Variants in BTBD7 observed in about 807,000 individuals in gnomAD.
BTBD7 encodes BTB/POZ domain-containing protein 7.
In BTBD7, 38 loss-of-function variants were observed where a neutral mutation model predicts 99.9. That is an observed-to-expected ratio of 0.38 (90% CI 0.29 to 0.50). The LOEUF is 0.50. Among genes scored for constraint, BTBD7 ranks in the 20% least tolerant of loss-of-function variants. The pLI, the probability that BTBD7 is intolerant of heterozygous loss-of-function variation, is 0.93. For missense variants in BTBD7, 1,170 were observed against 1,394.6 expected (o/e 0.84, Z 2.57); for synonymous variants, 520 against 511.4 (o/e 1.02, Z -0.23).
At chr14:93,301,282 C>A (rs949805431) in intron 1 of BTBD7, among the ~76,000 whole-genome samples, 6 of 151,950 alleles carry the variant, frequency 3.9e-5, no homozygotes, top group South Asian at 2.1e-4. Context: ...ACCTCCACCT[C>A]CTGGGTTCAA....
chr14:93,289,851 CTTTTTTTTTTTTT>C (rs34820136), intron 3 of BTBD7, among the ~76,000 whole-genome samples: 1 of 98,458 alleles, frequency 1.0e-5, no homozygotes, highest in Admixed American at 1.2e-4. Flanking sequence ...ACTCTCTGGG[CTTTTTTTTTTTTT>C]TTTTTTTTGG....
chr14:93,251,466 G>T lies in BTBD7; in HGVS notation c.1939C>A (p.Pro647Thr). Residue 647 changes from proline (P) to threonine (T), a missense_variant, in exon 8 of 11, where the codon CCA becomes ACA. This residue lies in a region of BTBD7 where 309 missense variants were observed against 342.0 expected (regional missense o/e 0.90). Transcript: ENST00000334746. The part of the protein sequence containing the change: ...SPPSVVANEI[P>T]VPRLLIMKDM... ...AACACCCAACATACTGCCTTACCTG[G>T]AATTTCGTTGGCTACAACTGAAGGA... 1 of 1,588,008 alleles carries T rather than the reference G, an allele frequency of 6.3e-7. No individual in the cohort carries two copies. Among genetic ancestry groups the T allele is most frequent in the Non-Finnish European group, 8.6e-7 (1 of 1,161,812 alleles).
rs1166031683 is a variant in BTBD7 at position 93,257,202 on chromosome 14, C to T, written c.1601G>A (p.Ser534Asn). 1 of 1,613,572 alleles carries T rather than the reference C, an allele frequency of 6.2e-7. No homozygotes were observed. The highest frequency in any genetic ancestry group is 1.3e-5 in the African/African-American group (1 of 74,928). The change falls in exon 6 of 11, where the codon AGT (serine) becomes AAT (asparagine). Residue 534 changes from serine (S) to asparagine (N), a missense_variant. Coordinates refer to ENST00000334746, the MANE Select transcript of BTBD7 (RefSeq NM_001002860.4). Reference sequence around the variant, plus strand: ...ATGGAGAAAAACACTTACTGCATCACTTAAGACTTCACTGTTTATAGGTAA... The same window carrying T: ...ATGGAGAAAAACACTTACTGCATCATTTAAGACTTCACTGTTTATAGGTAA... ...HILPINSEVL[S>N]DAMKRGLIST...
At chr14:93,315,397 T>C (rs1298862624) in intron 1 of BTBD7, among the ~76,000 whole-genome samples, 1 of 152,224 alleles carries the variant, frequency 6.6e-6, no homozygotes, top group African/African-American at 2.4e-5. Flanking sequence ...GAGGATGCTT[T>C]TGTTAGCCAT....
intron 1 of BTBD7, among the ~76,000 whole-genome samples, chr14:93,313,478 G>A (rs945630043): frequency 2.0e-5 from 3 of 151,876 alleles, no homozygotes; most frequent in Non-Finnish European, 4.4e-5. Flanking sequence ...GTCCCCTGCT[G>A]ATACTTTTTT....
At chr14:93,308,863 A>G (rs1466452599) in intron 1 of BTBD7, among the ~76,000 whole-genome samples, 1 of 152,238 alleles carries the variant, frequency 6.6e-6, no homozygotes, top group Non-Finnish European at 1.5e-5. Context: ...TTCAGTAAGC[A>G]CAAAGTTTCA....
chr14:93,268,756 C>CTTTTTT (rs61483726), intron 3 of BTBD7, among the ~76,000 whole-genome samples: 3 of 120,908 alleles, frequency 2.5e-5, no homozygotes, highest in African/African-American at 3.3e-5. Context: ...TAACTTAGAC[C>CTTTTTT]TTTTTTTTTT....
At chr14:93,315,790 A>C (rs1035086459) in intron 1 of BTBD7, among the ~76,000 whole-genome samples, 4 of 152,112 alleles carry the variant, frequency 2.6e-5, no homozygotes, top group Admixed American at 6.6e-5. Flanking sequence ...GATATACCAC[A>C]TTGTATTTGA....
intron 3 of BTBD7, among the ~76,000 whole-genome samples, chr14:93,271,497 C>T (rs1007183485): frequency 2.0e-5 from 3 of 151,992 alleles, no homozygotes; most frequent in African/African-American, 4.8e-5. Context: ...TTCAGAGGCA[C>T]CAGAGTTAGA....
At chr14:93,286,765 G>A (rs1051230043) in intron 3 of BTBD7, among the ~76,000 whole-genome samples, 1 of 152,102 alleles carries the variant, frequency 6.6e-6, no homozygotes, top group African/African-American at 2.4e-5. Flanking sequence ...CACATTCATC[G>A]GCTGACAGGA....
At chr14:93,271,350 G>T (rs2052598771) in intron 3 of BTBD7, among the ~76,000 whole-genome samples, 1 of 152,136 alleles carries the variant, frequency 6.6e-6, no homozygotes, top group Non-Finnish European at 1.5e-5. Context: ...TCATATTGAG[G>T]TCGGGGTGGA....
chr14:93,247,691 T>C (rs1347205430), intron 9 of BTBD7, among the ~76,000 whole-genome samples: 2 of 152,252 alleles, frequency 1.3e-5, no homozygotes, highest in African/African-American at 4.8e-5. Flanking sequence ...GTTTGGAGTT[T>C]GTAGCAAGAA....
At chr14:93,319,376 A>G (rs2053244195) in intron 1 of BTBD7, among the ~76,000 whole-genome samples, 1 of 152,326 alleles carries the variant, frequency 6.6e-6, no homozygotes, top group South Asian at 2.1e-4. Context: ...CAACCTAAAT[A>G]TCCATTGACA....
intron 1 of BTBD7, among the ~76,000 whole-genome samples, chr14:93,300,756 GTGTGTGTGTGTGTGTGTATATATA>G (rs1566857112): frequency 4.2e-5 from 2 of 48,004 alleles, no homozygotes; most frequent in African/African-American, 2.6e-4. Context: ...GTGTGTGTGT[GTGTGTGTGTGTGTGTGTATATATA>G]TATATATTTT....
At chr14:93,291,759 C>A (rs2052858703) in intron 3 of BTBD7, among the ~76,000 whole-genome samples, 1 of 144,988 alleles carries the variant, frequency 6.9e-6, no homozygotes. Flanking sequence ...TTTAAATACA[C>A]TGAATAAAAT....
chr14:93,287,805 T>C (rs141422535), intron 3 of BTBD7: 2 of 152,452 alleles, frequency 1.3e-5, no homozygotes, highest in African/African-American at 4.8e-5. Context: ...TTGGAGCCCA[T>C]TTTCTAGATC....
chr14:93,247,086 G>C (rs2052320122), intron 9 of BTBD7, among the ~76,000 whole-genome samples: 1 of 152,100 alleles, frequency 6.6e-6, no homozygotes, highest in Non-Finnish European at 1.5e-5. Flanking sequence ...GAGTGCAGTG[G>C]TGCAATCATG....
intron 2 of BTBD7, 72 bp from the exon 3 acceptor site, chr14:93,295,009 T>C (rs1406522889): frequency 9.3e-6 from 13 of 1,401,920 alleles, no homozygotes; most frequent in East Asian, 7.4e-5. Context: ...ACATTTTTCA[T>C]GTTGAAAAAT....
At chr14:93,318,600 T>G (rs2053235153) in intron 1 of BTBD7, among the ~76,000 whole-genome samples, 1 of 152,076 alleles carries the variant, frequency 6.6e-6, no homozygotes, top group Non-Finnish European at 1.5e-5. Flanking sequence ...TGCTGATGAT[T>G]TGGGGGCTGG....
Sources: allele counts gnomAD v4.1 joint callset (sites outside exome capture counted in the v4.1 genomes callset), GRCh38; gene constraint gnomAD v4.1.1; regional missense constraint gnomAD v4.1.1; transcripts MANE v1.5; gene names NCBI Gene and HGNC (gene_info 2026-07-23, HGNC 2026-07-21).